SYNJ1: variants seen among roughly 807,000 people sequenced by gnomAD.
SYNJ1 encodes synaptojanin 1.
In SYNJ1, 78 loss-of-function variants were observed where a neutral mutation model predicts 168.2. The ratio of observed to expected loss-of-function variants is 0.46; its 90% confidence interval spans 0.39 to 0.56. The LOEUF is 0.56. Among genes scored for constraint, SYNJ1 ranks in the 20% least tolerant of loss-of-function variants. SYNJ1 has a pLI of 0.00. For missense variants in SYNJ1, 1,303 were observed against 1,597.6 expected, an observed-to-expected ratio of 0.82 and a Z score of 3.14; for synonymous variants, 539 against 548.6, an observed-to-expected ratio of 0.98 and a Z score of 0.24.
rs561793056 is a variant in SYNJ1, at chr21:32,634,173, C to T, written c.*3+688G>A. Among the ~76,000 whole-genome samples the T allele has an allele frequency of 9.3e-4, 142 of 152,200 alleles. 1 individual carries two copies. Among genetic ancestry groups the T allele is most frequent in the Admixed American group, 3.5e-3 (53 of 15,284 alleles). On this transcript the variant is annotated intron_variant, in intron 32 of 32. Coordinates refer to ENST00000674351, the MANE Select transcript of SYNJ1 (RefSeq NM_203446.3). ...CTATACATTTAAACACCTTTATTTG[C>T]ATATATAAGAAAATTTTTATTTCAA...
intron 30 of SYNJ1, 132 bp downstream of exon 30, chr21:32,639,539 G>A: frequency 2.9e-6 from 2 of 688,414 alleles, no homozygotes; most frequent in Non-Finnish European, 2.5e-6. Flanking sequence ...CCACAGGCAT[G>A]TGCCATCACC....
At position 32,683,959 on chromosome 21, in the gene SYNJ1, A is replaced by G. The variant is rs1181575339; in HGVS notation, c.1200+79T>C. On this transcript the variant is annotated intron_variant, in intron 10 of 32. Coordinates refer to ENST00000674351, the MANE Select transcript of SYNJ1 (RefSeq NM_203446.3). ...ACATTACATACACTTTCTGGAAGGT[A>G]ATAAGAAACATAAGTATTCAAAAAG... 2.5e-6 allele frequency: 3 copies of G among 1,213,106 alleles called. No homozygotes were observed. The African/African-American group carries it at 4.5e-5, about 18-fold the overall frequency. The allele number at this position is 1,213,106 out of a possible 1,614,324, so 75.1% of individuals were successfully genotyped here.
Position 32,631,357 on chromosome 21 carries a change from C to G in SYNJ1, c.*448G>C, listed in dbSNP as rs1402808025. 6.2e-7 allele frequency: 1 copy of G among 1,614,132 alleles called. No individual in the cohort carries two copies. The highest frequency in any genetic ancestry group is 1.1e-5 in the South Asian group (1 of 91,078). ...TTAAAGCCATCAAGTGAAGATGAAGCCCTGCTTTTGTTATGACCAAGAGGC... is the reference window on the plus strand; with the variant it reads ...TTAAAGCCATCAAGTGAAGATGAAGGCCTGCTTTTGTTATGACCAAGAGGC... On this transcript the variant is annotated 3_prime_UTR_variant, in exon 33 of 33. Transcript: ENST00000674351.
chr21:32,728,258 G>C, upstream of SYNJ1: 1 of 556,204 alleles, frequency 1.8e-6, no homozygotes, highest in Non-Finnish European at 3.1e-6. Flanking sequence ...TGGCCTCCTT[G>C]GTCCTTTTGC....
Position 32,646,482 on chromosome 21 carries a change from G to A in SYNJ1, c.3158C>T (p.Ser1053Leu). 1.2e-6 allele frequency: 2 copies of A among 1,614,170 alleles called. No individual in the cohort carries two copies. The highest frequency in any genetic ancestry group is 1.7e-6 in the Non-Finnish European group (2 of 1,180,024). Residue 1053 changes from serine to leucine, a missense_variant, in exon 24 of 33, where the codon TCA becomes TTA. Physicochemically the swap from Ser to Leu is moderately radical, Grantham distance 145. This residue lies in a region of SYNJ1 where 383 missense variants were observed against 388.8 expected (regional missense o/e 0.99). Transcript: ENST00000674351. ...TACAGGACCCTCTGATATTGTAGGT[G>A]ACTGGCAGGGACTAGTTCGGGGTGA... Reference protein sequence around the residue: ...SSSPRTSPCQSPTISEGPVPS... With the variant: ...SSSPRTSPCQLPTISEGPVPS...
intron 29 of SYNJ1, among the ~76,000 whole-genome samples, chr21:32,640,348 G>A (rs749100883): frequency 5.9e-4 from 90 of 151,982 alleles, no homozygotes; most frequent in Non-Finnish European, 1.1e-3. Context: ...CCAGACGGGA[G>A]TGCAGTGGCA....
intron 22 of SYNJ1, among the ~76,000 whole-genome samples, chr21:32,652,836 T>A (rs1253251078): frequency 1.3e-5 from 2 of 152,204 alleles, no homozygotes; most frequent in Non-Finnish European, 2.9e-5. Context: ...CTCTGGAAAT[T>A]AATTTAGTTA....
intron 11 of SYNJ1, among the ~76,000 whole-genome samples, chr21:32,679,885 T>A (rs891038601): frequency 6.6e-6 from 1 of 152,070 alleles, no homozygotes; most frequent in African/African-American, 2.4e-5. Context: ...GTTCAGATGT[T>A]AGATTTTAGT....
chr21:32,707,226 T>C (rs1400099142), intron 2 of SYNJ1, among the ~76,000 whole-genome samples: 2 of 152,048 alleles, frequency 1.3e-5, no homozygotes, highest in African/African-American at 4.8e-5. Flanking sequence ...TCTCCTATTT[T>C]ATACTATAGT....
intron 31 of SYNJ1, among the ~76,000 whole-genome samples, chr21:32,636,414 G>C (rs1455630956): frequency 6.6e-6 from 1 of 152,028 alleles, no homozygotes; most frequent in African/African-American, 2.4e-5. Context: ...AAGTAAAACT[G>C]GGTCATATAC....
At chr21:32,713,117 T>C (rs944604383) in intron 2 of SYNJ1, among the ~76,000 whole-genome samples, 1 of 152,184 alleles carries the variant, frequency 6.6e-6, no homozygotes, top group Non-Finnish European at 1.5e-5. Context: ...TGCTACAACA[T>C]GGATGATTTC....
intron 7 of SYNJ1, among the ~76,000 whole-genome samples, chr21:32,688,100 G>A (rs1213129262): frequency 6.6e-6 from 1 of 151,976 alleles, no homozygotes; most frequent in Non-Finnish European, 1.5e-5. Flanking sequence ...CACAGAGGAA[G>A]TTTTAAGGTC....
intron 18 of SYNJ1, among the ~76,000 whole-genome samples, chr21:32,658,784 G>A (rs1351678174): frequency 1.3e-5 from 2 of 152,216 alleles, no homozygotes; most frequent in South Asian, 2.1e-4. Flanking sequence ...AGTGCAGTGG[G>A]TCAAGTGAGC....
chr21:32,642,208 G>T, intron 27 of SYNJ1, 75 bp from the exon 28 acceptor site: 1 of 1,547,996 alleles, frequency 6.5e-7, no homozygotes, highest in Non-Finnish European at 8.9e-7. Flanking sequence ...TCAGCTTGCT[G>T]TTCTGCTTCA....
At chr21:32,644,659 G>A (rs964585047) in intron 26 of SYNJ1, among the ~76,000 whole-genome samples, 2 of 152,076 alleles carry the variant, frequency 1.3e-5, no homozygotes, top group African/African-American at 4.8e-5. Context: ...GAAAATAAAT[G>A]TATCACTAAT....
rs950410365 is a variant in SYNJ1, at chr21:32,676,416, G to A, written c.1511-61C>T. ...AGTAAAAACAAGTTACAATTAAAAT[G>A]TTGAGTATAGTGACAAAACATTTTG... On this transcript the variant is annotated intron_variant, in intron 12 of 32. Transcript: ENST00000674351. The A allele has an allele frequency of 6.6e-6, 10 of 1,511,702 alleles. No individual in the cohort carries two copies. The African/African-American group carries it at 1.1e-4, about 17-fold the overall frequency. The allele number at this position is 1,511,702 out of a possible 1,614,324, so 93.6% of individuals were successfully genotyped here. A position where few individuals can be genotyped will look rare whatever the true frequency, so the allele number is the denominator to read the frequency against.
At chr21:32,641,517 AT>A (rs200103816) in intron 29 of SYNJ1, among the ~76,000 whole-genome samples, 52 of 151,132 alleles carry the variant, frequency 3.4e-4, no homozygotes, top group South Asian at 2.7e-3. Flanking sequence ...TGAATTTATC[AT>A]TTTTTTTTCT....
At chr21:32,639,587 C>G (rs530352353) in intron 30 of SYNJ1, 84 bp downstream of exon 30, 1 of 1,039,754 alleles carries the variant, frequency 9.6e-7, no homozygotes, top group Non-Finnish European at 1.5e-6. Flanking sequence ...TTTTTACAGG[C>G]GGGTCTCACT....
At chr21:32,710,907 A>C (rs1051956163) in intron 2 of SYNJ1, among the ~76,000 whole-genome samples, 2 of 152,212 alleles carry the variant, frequency 1.3e-5, no homozygotes, top group African/African-American at 4.8e-5. Context: ...TTCTTCCTAA[A>C]TAATTTAGTT....
Sources: gnomAD v4.1 joint callset for allele counts (sites outside exome capture counted in the v4.1 genomes callset) on GRCh38, gnomAD v4.1.1 for gene constraint, gnomAD v4.1.1 regional missense constraint, MANE v1.5 for transcripts, NCBI Gene and HGNC (gene_info 2026-07-23, HGNC 2026-07-21) for gene names.